RP1: variants seen among roughly 807,000 people sequenced by gnomAD.
RP1 encodes the protein RP1 axonemal microtubule associated.
A neutral mutation model predicts 14.8 loss-of-function variants in RP1; 16 were observed. The ratio of observed to expected loss-of-function variants is 1.08; its 90% CI spans 0.73 to 1.65. The LOEUF (loss-of-function observed/expected upper bound fraction) is 1.65, where lower values mean the gene tolerates loss of function less well. Among genes scored for constraint, RP1 ranks in the 40% most tolerant of loss-of-function variants. The probability of loss-of-function intolerance (pLI) is 0.00; values close to 1 mark genes in which losing one functional copy is unlikely to be tolerated. For synonymous variants in RP1, 876 were observed against 883.6 expected (o/e 0.99, Z 0.15); for missense variants, 2,631 against 2,535.0 (o/e 1.04, Z -0.81).
At chr8:54,727,243 A>G (rs535794182) in intron 17 of RP1, among the ~76,000 whole-genome samples, 18 of 152,116 alleles carry the variant, frequency 1.2e-4, no homozygotes, top group African/African-American at 4.3e-4. Context: ...TAGCCTTTTG[A>G]TTTTTGCTGC....
chr8:54,728,809 T>C (rs902714509), intron 17 of RP1, among the ~76,000 whole-genome samples: 2 of 152,126 alleles, frequency 1.3e-5, no homozygotes, highest in African/African-American at 2.4e-5. Flanking sequence ...ATAATCTTTT[T>C]ATTATGGAAA....
intron 1 of RP1, among the ~76,000 whole-genome samples, chr8:54,566,992 C>T (rs776527599): frequency 4.6e-5 from 7 of 152,060 alleles, no homozygotes; most frequent in Non-Finnish European, 4.4e-5. Context: ...GCAGGGAGCC[C>T]GGTGTGAGGT....
intron 17 of RP1, among the ~76,000 whole-genome samples, chr8:54,733,097 A>G (rs77636488): frequency 6.6e-6 from 1 of 152,326 alleles, no homozygotes; most frequent in African/African-American, 2.4e-5. Context: ...GCACTGCTGC[A>G]TCCTGGTGAA....
At chr8:54,785,392 A>G (rs1415384577) in intron 24 of RP1, among the ~76,000 whole-genome samples, 2 of 149,562 alleles carry the variant, frequency 1.3e-5, no homozygotes, top group Admixed American at 1.3e-4. Context: ...ATATGAATGA[A>G]CCACATTTTA....
intron 1 of RP1, among the ~76,000 whole-genome samples, chr8:54,573,022 G>T (rs949675669): frequency 4.6e-5 from 7 of 152,068 alleles, no homozygotes; most frequent in African/African-American, 1.4e-4. Flanking sequence ...ACTAATAATA[G>T]TGTCTTGACT....
chr8:54,716,450 C>T (rs2129348850), intron 15 of RP1, among the ~76,000 whole-genome samples: 1 of 151,870 alleles, frequency 6.6e-6, no homozygotes, highest in East Asian at 1.9e-4. Context: ...GGACATAGAC[C>T]ATTCTTGAGG....
chr8:54,710,305 A>C (rs1808265391), intron 15 of RP1, among the ~76,000 whole-genome samples: 2 of 152,182 alleles, frequency 1.3e-5, no homozygotes, highest in Admixed American at 1.3e-4. Flanking sequence ...GAGTGCAAAA[A>C]CTGGCCAGCT....
At chr8:54,843,253 C>T (rs527523433) in intron 25 of RP1, among the ~76,000 whole-genome samples, 18 of 152,098 alleles carry the variant, frequency 1.2e-4, no homozygotes, top group Non-Finnish European at 1.8e-4. Flanking sequence ...TATTTATTTA[C>T]GTATTTTTAG....
At position 54,621,463 on chromosome 8, in the gene RP1, C is replaced by G; in HGVS notation, c.497C>G (p.Thr166Arg). Residue 166 changes from threonine to arginine, a missense_variant, in exon 2 of 4, where the codon ACG becomes AGG. Thr to Arg is a moderately conservative substitution (Grantham distance 71). Coordinates refer to ENST00000220676, the MANE Select transcript of RP1 (RefSeq NM_006269.2). ...GTCTTCAGGAATGGCGACCCGAAGA[C>G]GAGGCGTGCGGTTCTTCTGAGCAGG... is the stretch of plus-strand genomic sequence containing the variant. ...LVVFRNGDPK[T>R]RRAVLLSRRV... 1 of 1,614,038 alleles carries G rather than the reference C, an allele frequency of 6.2e-7. No homozygotes were observed. The highest frequency in any genetic ancestry group is 8.5e-7 in the Non-Finnish European group (1 of 1,180,030).
chr8:54,839,501 C>A (rs1288055393), intron 25 of RP1, among the ~76,000 whole-genome samples: 2 of 152,152 alleles, frequency 1.3e-5, no homozygotes, highest in Non-Finnish European at 2.9e-5. Flanking sequence ...CCATAGTTAC[C>A]ATCTTCAGTC....
chr8:54,689,969 A>G (rs534176471), intron 12 of RP1, among the ~76,000 whole-genome samples: 19 of 152,150 alleles, frequency 1.2e-4, no homozygotes, highest in African/African-American at 3.8e-4. Context: ...TCTTCTTTGC[A>G]CTTTCAAGAC....
chr8:54,645,796 T>A (rs1356671931), intron 3 of RP1, among the ~76,000 whole-genome samples: 2 of 152,210 alleles, frequency 1.3e-5, no homozygotes, highest in African/African-American at 4.8e-5. Flanking sequence ...TGAAGCCATC[T>A]GGGCCTGAAG....
intron 1 of RP1, among the ~76,000 whole-genome samples, chr8:54,562,445 T>TG (rs1804306512): frequency 2.0e-5 from 3 of 152,130 alleles, no homozygotes; most frequent in Non-Finnish European, 2.9e-5. Context: ...CCCAGCACTT[T>TG]GGGGAGCTGA....
At chr8:54,776,826 G>T (rs986895168) in intron 23 of RP1, among the ~76,000 whole-genome samples, 2 of 152,168 alleles carry the variant, frequency 1.3e-5, no homozygotes, top group African/African-American at 4.8e-5. Flanking sequence ...TCCCTGTTAA[G>T]GGTCAAGATT....
intron 1 of RP1, among the ~76,000 whole-genome samples, chr8:54,566,993 G>C (rs560845199): frequency 5.3e-5 from 8 of 152,114 alleles, no homozygotes; most frequent in African/African-American, 1.7e-4. Context: ...CAGGGAGCCC[G>C]GTGTGAGGTC....
downstream of RP1, among the ~76,000 whole-genome samples, chr8:54,635,030 C>T (rs909812588): frequency 2.0e-5 from 3 of 149,724 alleles, no homozygotes; most frequent in East Asian, 2.0e-4. Flanking sequence ...TGCAGTGAGC[C>T]GAGATGGTGC....
intron 23 of RP1, among the ~76,000 whole-genome samples, chr8:54,783,138 A>G (rs2080975840): frequency 6.6e-6 from 1 of 152,168 alleles, no homozygotes; most frequent in Admixed American, 6.5e-5. Flanking sequence ...TTACTAGTGT[A>G]GCTTGATAGG....
At chr8:54,823,963 C>G (rs1811321733) in intron 24 of RP1, among the ~76,000 whole-genome samples, 1 of 152,104 alleles carries the variant, frequency 6.6e-6, no homozygotes, top group Admixed American at 6.5e-5. Flanking sequence ...AGTCACTAAA[C>G]TTTTATTTTA....
intron 3 of RP1, among the ~76,000 whole-genome samples, chr8:54,638,981 G>C (rs1806407170): frequency 6.6e-6 from 1 of 150,692 alleles, no homozygotes; most frequent in African/African-American, 2.4e-5. Context: ...GTTATGATTT[G>C]ATGGGTTTTG....
Sources: allele counts gnomAD v4.1 joint callset (sites outside exome capture counted in the v4.1 genomes callset), GRCh38; gene constraint gnomAD v4.1.1; transcripts MANE v1.5; gene names NCBI Gene and HGNC (gene_info 2026-07-23, HGNC 2026-07-21).